PPM1H: variants seen among roughly 807,000 people sequenced by gnomAD.
PPM1H encodes protein phosphatase, Mg2+/Mn2+ dependent 1H, also known as protein phosphatase 1H.
PPM1H carries 27 observed loss-of-function variants against 54.9 expected under a neutral mutation model. The ratio of observed to expected loss-of-function variants is 0.49; its 90% CI spans 0.36 to 0.68. The LOEUF (loss-of-function observed/expected upper bound fraction) is 0.68. Among genes scored for constraint, PPM1H ranks in the 30% least tolerant of loss-of-function variants. The probability of loss-of-function intolerance (pLI) is 0.00; values close to 1 mark genes in which losing one functional copy is unlikely to be tolerated. For synonymous variants in PPM1H, 305 were observed against 270.8 expected (o/e 1.13, Z -1.24); for missense variants, 596 against 667.8 (o/e 0.89, Z 1.19).
intron 8 of PPM1H, among the ~76,000 whole-genome samples, chr12:62,687,171 G>A (rs1340913814): frequency 2.0e-5 from 3 of 152,222 alleles, no homozygotes; most frequent in African/African-American, 7.2e-5. Context: ...CGCTGTGGAG[G>A]CTTTGCAGGG....
At chr12:62,695,727 T>C (rs2076111221) in intron 6 of PPM1H, among the ~76,000 whole-genome samples, 2 of 152,158 alleles carry the variant, frequency 1.3e-5, no homozygotes, top group South Asian at 4.1e-4. Context: ...GATCCACTAC[T>C]ATACATCAAG....
chr12:62,821,138 T>C (rs2076901061), intron 2 of PPM1H, among the ~76,000 whole-genome samples: 1 of 152,110 alleles, frequency 6.6e-6, no homozygotes, highest in African/African-American at 2.4e-5. Flanking sequence ...CAAGCTTCGA[T>C]AGCCAATTCG....
intron 4 of PPM1H, among the ~76,000 whole-genome samples, chr12:62,769,163 T>C (rs998072261): frequency 2.0e-5 from 3 of 152,214 alleles, no homozygotes; most frequent in Non-Finnish European, 4.4e-5. Flanking sequence ...TTTAGCATCA[T>C]GTAATTGTGT....
intron 4 of PPM1H, 98 bp downstream of exon 4, chr12:62,788,128 C>T (rs924585515): frequency 6.0e-6 from 5 of 835,466 alleles, no homozygotes; most frequent in Non-Finnish European, 7.6e-6. Flanking sequence ...TGTAGAAGGC[C>T]TGTCTTTAAT....
chr12:62,663,762 T>C (rs1370342884), intron 9 of PPM1H, among the ~76,000 whole-genome samples: 3 of 152,018 alleles, frequency 2.0e-5, no homozygotes, highest in Non-Finnish European at 2.9e-5. Context: ...GAGGCCGAGG[T>C]GGGCGCATCA....
At position 62,819,208 on chromosome 12, in the gene PPM1H, C is replaced by A. The variant is rs1428048708; in HGVS notation, c.411+12906G>T. 2.0e-5 allele frequency among the ~76,000 whole-genome samples: 3 copies of A among 148,926 alleles called. 1 individual carries two copies. The highest frequency in any genetic ancestry group is 7.5e-5 in the African/African-American group (3 of 40,100). On this transcript the variant is annotated intron_variant, in intron 2 of 9. Coordinates refer to ENST00000228705, the MANE Select transcript of PPM1H (RefSeq NM_020700.2). Reference sequence around the variant, plus strand: ...GCAGTGGCGTGATCTCAGCTCACTGCAACCTCTGCCCTCCAAGTTAAAGTG... The same window carrying A: ...GCAGTGGCGTGATCTCAGCTCACTGAAACCTCTGCCCTCCAAGTTAAAGTG...
intron 7 of PPM1H, among the ~76,000 whole-genome samples, chr12:62,692,496 T>C (rs778175833): frequency 5.3e-5 from 8 of 152,220 alleles, no homozygotes; most frequent in African/African-American, 1.2e-4. Context: ...TTAATACTTA[T>C]GCATTTATGT....
chr12:62,780,794 C>T (rs996889946), intron 4 of PPM1H, among the ~76,000 whole-genome samples: 10 of 151,752 alleles, frequency 6.6e-5, no homozygotes, highest in East Asian at 1.9e-4. Flanking sequence ...GGTGTGGGCT[C>T]GAGTGGGCAA....
chr12:62,684,078 T>C (rs183584466), intron 8 of PPM1H, among the ~76,000 whole-genome samples: 1 of 152,288 alleles, frequency 6.6e-6, no homozygotes, highest in East Asian at 1.9e-4. Flanking sequence ...TAAAAAAGTT[T>C]AATGGCAAAC....
chr12:62,794,474 T>C (rs1452822881), intron 3 of PPM1H, among the ~76,000 whole-genome samples: 1 of 152,192 alleles, frequency 6.6e-6, no homozygotes, highest in African/African-American at 2.4e-5. Context: ...GAATTACATA[T>C]AGTAGTTCCA....
At chr12:62,741,538 A>G (rs896767067) in intron 4 of PPM1H, among the ~76,000 whole-genome samples, 30 of 152,094 alleles carry the variant, frequency 2.0e-4, no homozygotes, top group Non-Finnish European at 1.2e-4. Context: ...TACTCCCTTC[A>G]CATGGCTTCT....
intron 4 of PPM1H, among the ~76,000 whole-genome samples, chr12:62,767,025 G>A (rs981216749): frequency 2.6e-5 from 4 of 152,314 alleles, no homozygotes; most frequent in Non-Finnish European, 5.9e-5. Flanking sequence ...GGGGGAAGCA[G>A]AATGATCAAG....
At chr12:62,781,018 G>A (rs1285764987) in intron 4 of PPM1H, among the ~76,000 whole-genome samples, 1 of 152,222 alleles carries the variant, frequency 6.6e-6, no homozygotes, top group Non-Finnish European at 1.5e-5. Context: ...CGTGTTTCAA[G>A]GCACAGCTTG....
chr12:62,663,790 G>A (rs763684381), intron 9 of PPM1H, among the ~76,000 whole-genome samples: 3 of 152,228 alleles, frequency 2.0e-5, no homozygotes, highest in South Asian at 2.1e-4. Context: ...TTGGGAGCTC[G>A]AGACCAGCCT....
intron 6 of PPM1H, among the ~76,000 whole-genome samples, chr12:62,695,935 A>G (rs968474329): frequency 6.6e-6 from 1 of 152,070 alleles, no homozygotes; most frequent in Non-Finnish European, 1.5e-5. Flanking sequence ...AGCAGTGGAG[A>G]CCAGATGTAG....
At chr12:62,707,723 T>C (rs185990119) in intron 6 of PPM1H, among the ~76,000 whole-genome samples, 33 of 152,336 alleles carry the variant, frequency 2.2e-4, no homozygotes, top group Admixed American at 1.0e-3. Context: ...CATCCATATA[T>C]GGCCCTGTCC....
chr12:62,818,302 A>T (rs2076882502), intron 2 of PPM1H, among the ~76,000 whole-genome samples: 1 of 152,178 alleles, frequency 6.6e-6, no homozygotes, highest in Non-Finnish European at 1.5e-5. Context: ...ACTAAGAAGA[A>T]AAAGCTCTTG....
At chr12:62,924,763 C>T (rs1163482856) in intron 1 of PPM1H, among the ~76,000 whole-genome samples, 6 of 152,268 alleles carry the variant, frequency 3.9e-5, no homozygotes, top group Non-Finnish European at 7.3e-5. Flanking sequence ...TGCAATTAGC[C>T]GGGTGTGGTG....
At chr12:62,825,289 TGTAAACTA>T (rs993813523) in intron 2 of PPM1H, among the ~76,000 whole-genome samples, 3 of 152,004 alleles carry the variant, frequency 2.0e-5, no homozygotes, top group Admixed American at 2.0e-4. Flanking sequence ...CTGTTGGGAG[TGTAAACTA>T]GTTCAACCAT....
Sources: gnomAD v4.1 joint callset for allele counts (sites outside exome capture counted in the v4.1 genomes callset) on GRCh38, gnomAD v4.1.1 for gene constraint, MANE v1.5 for transcripts, NCBI Gene and HGNC (gene_info 2026-07-23, HGNC 2026-07-21) for gene names.